The following CES5A variants were observed in gnomAD, a reference collection of about 807,000 sequenced individuals.
CES5A encodes the protein carboxylesterase 5A, also known as carboxylesterase 5.
A neutral mutation model predicts 62.9 loss-of-function variants in CES5A; 67 were observed. The observed-to-expected ratio is 1.07, with a 90% CI of 0.88 to 1.31. The LOEUF (loss-of-function observed/expected upper bound fraction) is 1.31. CES5A is among the 50% of genes most tolerant of loss of function. The probability of loss-of-function intolerance (pLI) is 0.00; values close to 1 mark genes in which losing one functional copy is unlikely to be tolerated. For missense variants in CES5A, 748 were observed against 708.5 expected, an observed-to-expected ratio of 1.06 and a Z score of -0.63; for synonymous variants, 296 against 280.8, an observed-to-expected ratio of 1.05 and a Z score of -0.54.
In CES5A at chr16:55,846,758, G is replaced by A. The variant is rs201352497; in HGVS notation, c.1496+10C>T. On this transcript the variant is annotated intron_variant, in intron 12 of 12. Transcript: ENST00000290567. Reference sequence around the variant, plus strand: ...GCCTTGGCATGGGGGAGACCGGGAGGTTTACTTACCCGGTTCGAGCAAAGG... The same window carrying A: ...GCCTTGGCATGGGGGAGACCGGGAGATTTACTTACCCGGTTCGAGCAAAGG... The A allele has an allele frequency of 5.7e-5, 92 of 1,613,762 alleles. No individual in the cohort carries two copies. The highest frequency in any genetic ancestry group is 7.0e-5 in the Non-Finnish European group (82 of 1,179,772).
intron 1 of CES5A, among the ~76,000 whole-genome samples, chr16:55,895,854 C>T (rs2142437288): frequency 6.6e-6 from 1 of 152,114 alleles, no homozygotes; most frequent in Admixed American, 6.5e-5. Context: ...GAAGGGGGGC[C>T]TGGTGGGAGA....
chr16:55,862,789 T>A (rs1458112535), intron 6 of CES5A, among the ~76,000 whole-genome samples: 4 of 152,358 alleles, frequency 2.6e-5, no homozygotes, highest in African/African-American at 9.6e-5. Flanking sequence ...CACTTATGGC[T>A]GCCTGATATA....
At position 55,863,357 on chromosome 16, in the gene CES5A, C is replaced by T. The variant is rs753740751; in HGVS notation, c.801G>A (p.Lys267=). The T allele has an allele frequency of 2.6e-5, 40 of 1,549,308 alleles. No homozygotes were observed. Among genetic ancestry groups the T allele is most frequent in the East Asian group, 4.5e-5 (2 of 44,534 alleles). ...TTAACAGTATACGTACGTCCTCACT[C>T]TTCTCATAATCATGGGCCTCCAGGT... The part of the protein sequence containing the change: ...IPYLEAHDYE[K]SEDLQVVAHF... Residue 267 remains lysine, a synonymous_variant, in exon 6 of 13, where the codon AAG becomes AAA. Coordinates refer to ENST00000290567, the MANE Select transcript of CES5A (RefSeq NM_001143685.2).
At chr16:55,871,049 A>G (rs1315401265) in intron 3 of CES5A, among the ~76,000 whole-genome samples, 1 of 152,188 alleles carries the variant, frequency 6.6e-6, no homozygotes, top group African/African-American at 2.4e-5. Context: ...AAATCAGATC[A>G]TGTACTGTGC....
upstream of CES5A, among the ~76,000 whole-genome samples, chr16:55,928,015 G>A (rs143889658): frequency 5.7e-3 from 875 of 152,232 alleles, 1 homozygote; most frequent in Non-Finnish European, 8.3e-3. Flanking sequence ...AGGCCGAGGC[G>A]GATGGATGAC....
intron 2 of CES5A, among the ~76,000 whole-genome samples, chr16:55,931,489 G>A (rs2034311265): frequency 6.6e-6 from 1 of 152,186 alleles, no homozygotes. Flanking sequence ...GGCCTTAGAT[G>A]ATCTGGCCCT....
At chr16:55,948,844 T>C (rs1357658567) in intron 2 of CES5A, among the ~76,000 whole-genome samples, 1 of 152,102 alleles carries the variant, frequency 6.6e-6, no homozygotes, top group Non-Finnish European at 1.5e-5. Context: ...ATTAATGTGG[T>C]GTTAGAGTTT....
At chr16:55,897,699 T>G (rs2033948235) in intron 1 of CES5A, among the ~76,000 whole-genome samples, 1 of 152,232 alleles carries the variant, frequency 6.6e-6, no homozygotes, top group African/African-American at 2.4e-5. Flanking sequence ...TCCATTTTCC[T>G]TAAGAAATAC....
upstream of CES5A, among the ~76,000 whole-genome samples, chr16:55,926,832 A>T (rs895180167): frequency 1.2e-4 from 18 of 152,242 alleles, no homozygotes; most frequent in Admixed American, 7.9e-4. Flanking sequence ...ACTGTTGCTA[A>T]GACCTTTGCT....
intron 2 of CES5A, among the ~76,000 whole-genome samples, chr16:55,936,443 C>A (rs1249322824): frequency 6.6e-6 from 1 of 152,196 alleles, no homozygotes; most frequent in Non-Finnish European, 1.5e-5. Flanking sequence ...GGCCATGATG[C>A]TCTTTATATC....
chr16:55,855,212 G>C (rs2033216466), intron 9 of CES5A, among the ~76,000 whole-genome samples: 1 of 152,208 alleles, frequency 6.6e-6, no homozygotes, highest in Non-Finnish European at 1.5e-5. Context: ...GAAGTGCAGG[G>C]GCATGTGGAC....
rs923563035 is a variant in CES5A, at chr16:55,921,487, C to A, written c.-256+3836G>T. On this transcript the variant is annotated intron_variant, in intron 1 of 12. Coordinates refer to the CES5A transcript ENST00000518005. ...TTTCAAAGTGCTGAAAGAAAAAAAA[C>A]TGTCACTCAAAATTACTACATTCAG... Among the ~76,000 whole-genome samples the A allele has an allele frequency of 4.0e-5, 6 of 151,842 alleles. No homozygotes were observed. In the East Asian group the frequency reaches 7.7e-4, roughly 20 times the overall value.
At chr16:55,863,557 C>T (rs776970158) in intron 5 of CES5A, 105 bp from the exon 6 acceptor site, 17 of 713,904 alleles carry the variant, frequency 2.4e-5, no homozygotes, top group Non-Finnish European at 3.8e-5. Flanking sequence ...CTTAAAAGCT[C>T]TAAGCTTAGA....
chr16:55,863,583 G>C, intron 5 of CES5A, 131 bp from the exon 6 acceptor site: 2 of 627,004 alleles, frequency 3.2e-6, no homozygotes, highest in Non-Finnish European at 5.7e-6. Flanking sequence ...AAAAAGCCCT[G>C]GTTTAGGGGT....
At chr16:55,877,420 GTATA>G (rs139169411), upstream of CES5A, among the ~76,000 whole-genome samples, 3 of 148,148 alleles carry the variant, frequency 2.0e-5, no homozygotes, top group African/African-American at 7.5e-5. Context: ...GTGTGTGTGT[GTATA>G]TATATATATG....
intron 1 of CES5A, among the ~76,000 whole-genome samples, chr16:55,950,096 C>A (rs1461240603): frequency 6.6e-6 from 1 of 152,046 alleles, no homozygotes; most frequent in Non-Finnish European, 1.5e-5. Flanking sequence ...AGGGGAAAGG[C>A]AGATGGAGAA....
At chr16:55,903,280 G>A (rs1257172298) in intron 1 of CES5A, among the ~76,000 whole-genome samples, 4 of 152,208 alleles carry the variant, frequency 2.6e-5, no homozygotes, top group Admixed American at 6.5e-5. Context: ...GGGGGCAGGA[G>A]CCATAACTGC....
intron 1 of CES5A, among the ~76,000 whole-genome samples, chr16:55,889,475 T>C (rs2033852145): frequency 6.6e-6 from 1 of 152,154 alleles, no homozygotes; most frequent in East Asian, 1.9e-4. Flanking sequence ...GTCAACACTT[T>C]ACTCACTTAT....
At chr16:55,881,702 T>C (rs2033763781) in intron 1 of CES5A, among the ~76,000 whole-genome samples, 1 of 152,194 alleles carries the variant, frequency 6.6e-6, no homozygotes, top group Non-Finnish European at 1.5e-5. Context: ...CACTACCTGA[T>C]AATGTTTCCT....
Sources: allele counts gnomAD v4.1 joint callset (sites outside exome capture counted in the v4.1 genomes callset), GRCh38; gene constraint gnomAD v4.1.1; transcripts MANE v1.5; gene names NCBI Gene and HGNC (gene_info 2026-07-23, HGNC 2026-07-21).